CAMTA1: variants seen among roughly 807,000 people sequenced by gnomAD.
CAMTA1 encodes the protein calmodulin-binding transcription activator 1.
CAMTA1 carries 27 observed loss-of-function variants against 170.9 expected under a neutral mutation model. That is an observed-to-expected ratio of 0.16 (90% confidence interval 0.12 to 0.22). The LOEUF (loss-of-function observed/expected upper bound fraction) is 0.22, where lower values mean the gene tolerates loss of function less well. CAMTA1 is among the 10% of genes least tolerant of loss of function. The pLI, the probability that CAMTA1 is intolerant of heterozygous loss-of-function variation, is 1.00. For missense variants in CAMTA1, 1,619 were observed against 2,217.2 expected, an observed-to-expected ratio of 0.73 and a Z score of 5.42; for synonymous variants, 833 against 891.5, an observed-to-expected ratio of 0.93 and a Z score of 1.17.
At chr1:7,098,430 G>A (rs571051964) in intron 4 of CAMTA1, among the ~76,000 whole-genome samples, 42 of 152,368 alleles carry the variant, frequency 2.8e-4, no homozygotes, top group Non-Finnish European at 5.1e-4. Context: ...GGGTGAGGGA[G>A]TTGGCGGGTG....
intron 6 of CAMTA1, among the ~76,000 whole-genome samples, chr1:7,624,848 G>A (rs1186263669): frequency 6.6e-6 from 1 of 152,242 alleles, no homozygotes; most frequent in African/African-American, 2.4e-5. Flanking sequence ...ACAGAGGACT[G>A]TCAGGGGAGT....
chr1:7,275,340 T>G (rs1184692197), intron 5 of CAMTA1, among the ~76,000 whole-genome samples: 1 of 151,754 alleles, frequency 6.6e-6, no homozygotes, highest in Non-Finnish European at 1.5e-5. Context: ...TGACCTAAAC[T>G]TTTACATGTA....
Position 7,738,578 on chromosome 1 carries a change from C to T in CAMTA1, c.4182+96C>T. On this transcript the variant is annotated intron_variant, in intron 16 of 22. Coordinates refer to ENST00000303635, the MANE Select transcript of CAMTA1 (RefSeq NM_015215.4). This position sits in a 1 kb window ranked among gnomAD's most constrained non-coding sequence, Gnocchi z 4.9. ...TTCCGAAGGTTGTGTCATTTTCCTC[C>T]CCGTGAAGCCTTCGAAGTTGGCTTT... 1.5e-6 allele frequency: 2 copies of T among 1,359,532 alleles called. No individual in the cohort carries two copies. The highest frequency in any genetic ancestry group is 1.4e-5 in the South Asian group (1 of 70,118). The allele number at this position is 1,359,532 out of a possible 1,614,324, so 84.2% of individuals were successfully genotyped here.
rs997690735 is a variant in CAMTA1 at position 7,427,635 on chromosome 1, C to T, written c.439-40195C>T. Reference sequence around the variant, plus strand: ...GTATTTAATTTTCAATCTCTAGTCTCTTTTATAATCCTGAGTGGCTTGGCT... The same window carrying T: ...GTATTTAATTTTCAATCTCTAGTCTTTTTTATAATCCTGAGTGGCTTGGCT... On this transcript the variant is annotated intron_variant, in intron 5 of 22. Coordinates refer to ENST00000303635, the MANE Select transcript of CAMTA1 (RefSeq NM_015215.4). 3.2e-4 allele frequency among the ~76,000 whole-genome samples: 48 copies of T among 152,356 alleles called. 1 individual carries two copies. The highest frequency in any genetic ancestry group is 3.8e-4 in the East Asian group (2 of 5,196).
In CAMTA1 at chr1:7,512,664, C is replaced by T. The variant is rs186950086; in HGVS notation, c.510+44763C>T. ...AGGGAAGTCATATCCACTCCTATCACGCTGGCCAGAGCAAGTTACATAGCA... is the reference window on the plus strand; with the variant it reads ...AGGGAAGTCATATCCACTCCTATCATGCTGGCCAGAGCAAGTTACATAGCA... On this transcript the variant is annotated intron_variant, in intron 6 of 22. Coordinates refer to ENST00000303635, the MANE Select transcript of CAMTA1 (RefSeq NM_015215.4). Among the ~76,000 whole-genome samples, 230 of 152,324 alleles carry T rather than the reference C, an allele frequency of 1.5e-3. 3 individuals are homozygous for T. The highest frequency in any genetic ancestry group is 5.4e-3 in the African/African-American group (223 of 41,568).
At chr1:7,111,812 G>T (rs1168690053) in intron 4 of CAMTA1, among the ~76,000 whole-genome samples, 1 of 151,528 alleles carries the variant, frequency 6.6e-6, no homozygotes, top group African/African-American at 2.4e-5. Context: ...TTGAACCCGG[G>T]AGGTGCAGGT....
chr1:6,816,989 T>C (rs766858503), intron 1 of CAMTA1, among the ~76,000 whole-genome samples: 48 of 152,226 alleles, frequency 3.2e-4, no homozygotes, highest in Non-Finnish European at 5.1e-4. Flanking sequence ...TTGGTTTCTT[T>C]CCTAGTTAAC....
At chr1:7,270,255 ACACACACACAC>A (rs1300628167) in intron 5 of CAMTA1, among the ~76,000 whole-genome samples, 1 of 20,548 alleles carries the variant, frequency 4.9e-5, no homozygotes, top group African/African-American at 1.8e-4. Flanking sequence ...ACACACACAC[ACACACACACAC>A]ACACACACAT....
intron 5 of CAMTA1, among the ~76,000 whole-genome samples, chr1:7,337,594 C>A (rs576907253): frequency 6.7e-6 from 1 of 150,072 alleles, no homozygotes; most frequent in South Asian, 2.1e-4. Flanking sequence ...ACAGTGTGGG[C>A]AGTGGGCCTC....
At chr1:6,821,806 A>AT (rs1358953048) in intron 2 of CAMTA1, among the ~76,000 whole-genome samples, 1 of 152,140 alleles carries the variant, frequency 6.6e-6, no homozygotes, top group African/African-American at 2.4e-5. Context: ...TGTGAATCTC[A>AT]TTTTTTTGAA....
At chr1:6,820,625 A>G (rs946932537) in intron 2 of CAMTA1, among the ~76,000 whole-genome samples, 1 of 152,216 alleles carries the variant, frequency 6.6e-6, no homozygotes. Context: ...CAGCTGAGCC[A>G]CTCAGCAGCT....
At chr1:7,487,614 GTGAGGC>G (rs140608304) in intron 6 of CAMTA1, among the ~76,000 whole-genome samples, 4,422 of 152,232 alleles carry the variant, frequency 0.029, 112 homozygotes, top group African/African-American at 0.067. Context: ...CAGCCTGCAG[GTGAGGC>G]TGAGGCTGAG....
intron 16 of CAMTA1, among the ~76,000 whole-genome samples, chr1:7,742,414 T>C (rs564281978): frequency 2.6e-4 from 40 of 152,314 alleles, no homozygotes; most frequent in African/African-American, 9.4e-4. Context: ...TAACTATATG[T>C]GTGTATGTAG....
At chr1:7,746,307 C>T (rs1393094045) in intron 18 of CAMTA1, among the ~76,000 whole-genome samples, 1 of 152,064 alleles carries the variant, frequency 6.6e-6, no homozygotes, top group African/African-American at 2.4e-5. Context: ...ATATTCATAA[C>T]ATAAAGTTTG....
At chr1:6,886,039 A>T (rs779034477) in intron 3 of CAMTA1, among the ~76,000 whole-genome samples, 9 of 151,818 alleles carry the variant, frequency 5.9e-5, no homozygotes, top group Non-Finnish European at 1.2e-4. Context: ...TGGTGTCTTT[A>T]CTCCACTCAA....
intron 11 of CAMTA1, among the ~76,000 whole-genome samples, chr1:7,699,323 C>G (rs1401536800): frequency 1.3e-5 from 2 of 152,108 alleles, no homozygotes; most frequent in Non-Finnish European, 2.9e-5. Flanking sequence ...AATTATTGAT[C>G]TATTTCCTGT....
At chr1:7,109,069 A>G (rs114233025) in intron 4 of CAMTA1, among the ~76,000 whole-genome samples, 1,814 of 152,360 alleles carry the variant, frequency 0.012, 37 homozygotes, top group African/African-American at 0.041. Flanking sequence ...CCTCTCCAAC[A>G]GGGCAGCTTG....
intron 5 of CAMTA1, among the ~76,000 whole-genome samples, chr1:7,287,148 A>G (rs1672459723): frequency 6.6e-6 from 1 of 152,206 alleles, no homozygotes; most frequent in Non-Finnish European, 1.5e-5. Context: ...GGCAAGGAGA[A>G]CAGGCTTGGG....
Position 6,887,348 on chromosome 1 carries a change from ACAACC to A in CAMTA1, c.234+62142_234+62146del, listed in dbSNP as rs1280742798. Among the ~76,000 whole-genome samples the A allele has an allele frequency of 3.3e-5, 5 of 152,354 alleles. No individual in the cohort carries two copies. The highest frequency in any genetic ancestry group is 3.3e-4 in the Admixed American group (5 of 15,308). On this transcript the variant is annotated intron_variant, in intron 3 of 22. Coordinates refer to ENST00000303635, the MANE Select transcript of CAMTA1 (RefSeq NM_015215.4). The surrounding 1 kb of genome is among the most constrained non-coding windows in gnomAD (Gnocchi z 4.1). ...TTGTGGCCTCTTAAAGATAAAACCT[ACAACC>A]CAATAAAAGTCATGCTGTAACGATT...
Sources: allele counts gnomAD v4.1 joint callset (sites outside exome capture counted in the v4.1 genomes callset), GRCh38; gene constraint gnomAD v4.1.1; non-coding constraint Gnocchi (gnomAD v3.1); transcripts MANE v1.5; gene names NCBI Gene and HGNC (gene_info 2026-07-23, HGNC 2026-07-21).